CCDC91: variants seen among roughly 807,000 people sequenced by gnomAD.
CCDC91 encodes the protein coiled-coil domain containing 91, also known as coiled-coil domain-containing protein 91.
Under a neutral mutation model 63.2 loss-of-function variants are expected in CCDC91, and 48 were observed. The ratio of observed to expected loss-of-function variants is 0.76; its 90% CI spans 0.60 to 0.97. The LOEUF (loss-of-function observed/expected upper bound fraction) is 0.97. CCDC91 is among the 50% of genes least tolerant of loss of function. The pLI is 0.00. For synonymous variants in CCDC91, 167 were observed against 165.8 expected, an observed-to-expected ratio of 1.01 and a Z score of -0.06; for missense variants, 500 against 494.6, an observed-to-expected ratio of 1.01 and a Z score of -0.10.
At chr12:28,328,448 T>G (rs1160506116) in intron 6 of CCDC91, among the ~76,000 whole-genome samples, 2 of 152,182 alleles carry the variant, frequency 1.3e-5, no homozygotes, top group Non-Finnish European at 2.9e-5. Flanking sequence ...CTGTAGTTAT[T>G]GTCAAAACAT....
At position 28,305,644 on chromosome 12, in the gene CCDC91, T is replaced by C; in HGVS notation, c.110-5T>C. Reference sequence around the variant, plus strand: ...ATCCTTTTTGTTGTTGTTGTTTTTCTTTAGTATCTGGAGTCCATCTTTCAC... The same window carrying C: ...ATCCTTTTTGTTGTTGTTGTTTTTCCTTAGTATCTGGAGTCCATCTTTCAC... On this transcript the variant is annotated splice_polypyrimidine_tract_variant and splice_region_variant and intron_variant, in intron 3 of 12. Coordinates refer to ENST00000536442, the MANE Select transcript of CCDC91 (RefSeq NM_018318.5). The C allele has an allele frequency of 6.2e-7, 1 of 1,608,642 alleles. No individual in the cohort carries two copies. The highest frequency in any genetic ancestry group is 2.2e-5 in the East Asian group (1 of 44,738).
intron 8 of CCDC91, among the ~76,000 whole-genome samples, chr12:28,396,332 G>A (rs552614555): frequency 6.6e-6 from 1 of 152,272 alleles, no homozygotes; most frequent in African/African-American, 2.4e-5. Context: ...GACCTTACCT[G>A]CCACATTGTC....
chr12:28,492,467 G>A (rs148243248), intron 12 of CCDC91, among the ~76,000 whole-genome samples: 2,458 of 151,582 alleles, frequency 0.016, 26 homozygotes, highest in South Asian at 0.029. Context: ...AGAAATTATG[G>A]TTCTGAGATT....
chr12:28,247,739 G>T lies in CCDC91; in HGVS notation c.-14-9463G>T, dbSNP rs530117297. ...GTATTCTGGAGGTATCTGGGACAGC[G>T]GTCCCGAACCTTGTTGGCACCAGGG... is the stretch of plus-strand genomic sequence containing the variant. On this transcript the variant is annotated intron_variant, in intron 1 of 12. Transcript: ENST00000536442. Among the ~76,000 whole-genome samples the T allele has an allele frequency of 2.0e-5, 3 of 152,256 alleles. No individual in the cohort carries two copies. In the South Asian group the frequency reaches 6.2e-4, roughly 32 times the overall value.
intron 1 of CCDC91, among the ~76,000 whole-genome samples, chr12:28,212,043 A>G (rs1176429876): frequency 6.6e-6 from 1 of 152,160 alleles, no homozygotes; most frequent in Admixed American, 6.5e-5. Context: ...AGAGAGCTCA[A>G]AACACAAATC....
chr12:28,367,734 G>A (rs565369075), intron 7 of CCDC91, among the ~76,000 whole-genome samples: 58 of 152,096 alleles, frequency 3.8e-4, no homozygotes, highest in African/African-American at 1.3e-3. Context: ...ACTGGGCAAT[G>A]GTTTCTAGAT....
intron 11 of CCDC91, among the ~76,000 whole-genome samples, chr12:28,452,881 CCTTTTA>C (rs1227152653): frequency 6.6e-6 from 1 of 151,092 alleles, no homozygotes; most frequent in African/African-American, 2.4e-5. Flanking sequence ...ACCATTTTAC[CCTTTTA>C]CTTTATTTTC....
chr12:28,376,146 T>C (rs1944929405), intron 7 of CCDC91, among the ~76,000 whole-genome samples: 1 of 151,904 alleles, frequency 6.6e-6, no homozygotes, highest in South Asian at 2.1e-4. Flanking sequence ...TAAGTTATTC[T>C]GCTACCCCAT....
intron 8 of CCDC91, among the ~76,000 whole-genome samples, chr12:28,423,116 A>G (rs887639556): frequency 6.6e-6 from 1 of 152,088 alleles, no homozygotes; most frequent in Non-Finnish European, 1.5e-5. Flanking sequence ...TGTCCAGGAG[A>G]ATTGTGACCA....
chr12:28,501,003 A>G (rs994822955), intron 12 of CCDC91, among the ~76,000 whole-genome samples: 9 of 151,668 alleles, frequency 5.9e-5, no homozygotes, highest in African/African-American at 1.2e-4. Context: ...TGCCCTTTAT[A>G]TAGTCATTCA....
At chr12:28,269,320 T>C (rs371607443) in intron 3 of CCDC91, among the ~76,000 whole-genome samples, 1 of 152,056 alleles carries the variant, frequency 6.6e-6, no homozygotes, top group Admixed American at 6.6e-5. Context: ...TTCTTGAGAT[T>C]CTGGAATCTT....
intron 1 of CCDC91, among the ~76,000 whole-genome samples, chr12:28,242,571 G>A (rs1384997884): frequency 2.0e-5 from 3 of 152,154 alleles, no homozygotes; most frequent in Non-Finnish European, 4.4e-5. Context: ...CCACCAGTGG[G>A]TGGGGAGAGA....
At chr12:28,205,383 A>G (rs1278538774) in intron 1 of CCDC91, among the ~76,000 whole-genome samples, 1 of 152,162 alleles carries the variant, frequency 6.6e-6, no homozygotes, top group Non-Finnish European at 1.5e-5. Flanking sequence ...TTCATACTAA[A>G]GTCAGGATGA....
At chr12:28,424,000 T>C (rs1378383891) in intron 8 of CCDC91, among the ~76,000 whole-genome samples, 1 of 152,128 alleles carries the variant, frequency 6.6e-6, no homozygotes, top group African/African-American at 2.4e-5. Context: ...GGAAGATTGT[T>C]TTATGGAACT....
chr12:28,308,698 T>G (rs1246897806), intron 6 of CCDC91, among the ~76,000 whole-genome samples: 2 of 152,092 alleles, frequency 1.3e-5, no homozygotes, highest in Non-Finnish European at 2.9e-5. Flanking sequence ...TATTACCTTA[T>G]CAGATAAGCC....
chr12:28,346,290 A>AG (rs1565832799), intron 6 of CCDC91, among the ~76,000 whole-genome samples: 1 of 152,190 alleles, frequency 6.6e-6, no homozygotes, highest in Non-Finnish European at 1.5e-5. Flanking sequence ...TTTGTTCTTG[A>AG]GACAGCCTTG....
intron 7 of CCDC91, among the ~76,000 whole-genome samples, chr12:28,362,718 G>C (rs1943985227): frequency 6.6e-6 from 1 of 152,138 alleles, no homozygotes; most frequent in Non-Finnish European, 1.5e-5. Flanking sequence ...CTGAATTTGA[G>C]AAAGTTTGAG....
At chr12:28,538,083 G>GT (rs1942319492) in intron 12 of CCDC91, among the ~76,000 whole-genome samples, 2 of 148,526 alleles carry the variant, frequency 1.3e-5, no homozygotes, top group African/African-American at 5.0e-5. Flanking sequence ...TCTTTTTAGG[G>GT]GTTTTTTTTA....
intron 8 of CCDC91, among the ~76,000 whole-genome samples, chr12:28,442,281 G>A (rs976990341): frequency 3.3e-5 from 5 of 152,062 alleles, no homozygotes; most frequent in African/African-American, 7.2e-5. Context: ...GGCTATTTCA[G>A]GCATTCATGA....
Sources: gnomAD v4.1 joint callset for allele counts (sites outside exome capture counted in the v4.1 genomes callset) on GRCh38, gnomAD v4.1.1 for gene constraint, MANE v1.5 for transcripts, NCBI Gene and HGNC (gene_info 2026-07-23, HGNC 2026-07-21) for gene names.